The following GRIK4 variants were observed in gnomAD, a reference collection of about 807,000 sequenced individuals.
GRIK4 encodes glutamate receptor ionotropic, kainate 4.
Under a neutral mutation model 104.9 loss-of-function variants are expected in GRIK4, and 40 were observed. The ratio of observed to expected loss-of-function variants is 0.38; its 90% CI spans 0.30 to 0.50. The LOEUF is 0.50. Ranked by LOEUF, GRIK4 falls within the 20% of genes least tolerant of loss-of-function variation. The pLI, the probability that GRIK4 is intolerant of heterozygous loss-of-function variation, is 0.93. For synonymous variants in GRIK4, 485 were observed against 524.9 expected (o/e 0.92, Z 1.04); for missense variants, 1,047 against 1,308.1 (o/e 0.80, Z 3.08).
Position 120,901,981 on chromosome 11 carries a change from G to A in GRIK4, c.1273-3309G>A, listed in dbSNP as rs189318847. Among the ~76,000 whole-genome samples the A allele has an allele frequency of 4.5e-3, 682 of 152,276 alleles. 8 individuals are homozygous for A. The highest frequency in any genetic ancestry group is 4.0e-3 in the Non-Finnish European group (274 of 68,024). ...CTATTAGCCTTGGTTCTTTTCTTGC[G>A]CGTGTGTGCCTACAGTGGCTGATCC... On this transcript the variant is annotated intron_variant, in intron 12 of 20. Transcript: ENST00000527524.
intron 11 of GRIK4, among the ~76,000 whole-genome samples, chr11:120,876,290 TCAC>T (rs1181981982): frequency 8.2e-5 from 7 of 84,896 alleles, no homozygotes; most frequent in South Asian, 4.1e-4. Flanking sequence ...ACCACCATCA[TCAC>T]CACCACCACA....
chr11:120,806,679 C>T (rs942060420), intron 4 of GRIK4, among the ~76,000 whole-genome samples: 1 of 152,228 alleles, frequency 6.6e-6, no homozygotes, highest in Non-Finnish European at 1.5e-5. Flanking sequence ...ACAGGGATTT[C>T]AGAAAGCTCT....
At chr11:120,879,481 C>G (rs1433499044) in intron 11 of GRIK4, among the ~76,000 whole-genome samples, 3 of 152,232 alleles carry the variant, frequency 2.0e-5, no homozygotes, top group African/African-American at 7.2e-5. Context: ...AACCAAATAC[C>G]ACATTCTCTG....
At chr11:120,801,322 T>A (rs1323385469) in intron 3 of GRIK4, among the ~76,000 whole-genome samples, 2 of 152,094 alleles carry the variant, frequency 1.3e-5, no homozygotes, top group African/African-American at 4.8e-5. Context: ...ACTTCCCGGG[T>A]TCAAGTGATT....
At chr11:120,856,908 G>T (rs1254496675) in intron 8 of GRIK4, among the ~76,000 whole-genome samples, 1 of 152,152 alleles carries the variant, frequency 6.6e-6, no homozygotes, top group African/African-American at 2.4e-5. Flanking sequence ...TGCCTGCTTA[G>T]CCCAGCTGAA....
Position 120,956,885 on chromosome 11 carries a change from G to T in GRIK4, c.1806G>T (p.Gly602=). ...GCAACAGCCTCTGGTTTCCGGTCGG[G>T]GGGTTCATGCAGCAAGGCTCCACCA... ...SLGNSLWFPV[G]GFMQQGSTIA... Residue 602 remains glycine (G), a synonymous_variant, in exon 16 of 21, where the codon GGG becomes GGT. Coordinates refer to ENST00000527524, the MANE Select transcript of GRIK4 (RefSeq NM_014619.5). This position sits in a 1 kb window ranked among gnomAD's most constrained non-coding sequence, Gnocchi z 4.6. 6.2e-7 allele frequency: 1 copy of T among 1,614,038 alleles called. No individual in the cohort carries two copies. The highest frequency in any genetic ancestry group is 8.5e-7 in the Non-Finnish European group (1 of 1,179,980).
At chr11:120,691,133 T>C (rs1950353878) in intron 3 of GRIK4, among the ~76,000 whole-genome samples, 1 of 152,218 alleles carries the variant, frequency 6.6e-6, no homozygotes, top group South Asian at 2.1e-4. Context: ...CTGCTTTCTC[T>C]CTGATGACGC....
chr11:120,962,343 G>A (rs779792911), intron 17 of GRIK4, 113 bp from the exon 18 acceptor site: 17 of 657,688 alleles, frequency 2.6e-5, no homozygotes, highest in South Asian at 3.7e-5. Flanking sequence ...TGTGATCAGC[G>A]GGTGGAGAAG....
At chr11:120,751,288 G>A (rs148414083) in intron 3 of GRIK4, among the ~76,000 whole-genome samples, 69 of 152,234 alleles carry the variant, frequency 4.5e-4, no homozygotes, top group African/African-American at 1.6e-3. Context: ...GGCAGAGGAA[G>A]AGGCAGGAGG....
chr11:120,803,012 G>A (rs117312145), intron 4 of GRIK4, among the ~76,000 whole-genome samples, 155 bp downstream of exon 4: 266 of 152,354 alleles, frequency 1.7e-3, no homozygotes, highest in Non-Finnish European at 3.0e-3. Flanking sequence ...GTCCTGTGAA[G>A]CTCTCAGCCT....
At chr11:120,732,596 T>C (rs1229830726) in intron 3 of GRIK4, among the ~76,000 whole-genome samples, 2 of 152,248 alleles carry the variant, frequency 1.3e-5, no homozygotes, top group Non-Finnish European at 2.9e-5. Flanking sequence ...AAATAAATTT[T>C]TTCATCATTC....
intron 3 of GRIK4, among the ~76,000 whole-genome samples, chr11:120,699,973 G>A (rs1210299407): frequency 2.0e-5 from 3 of 152,164 alleles, no homozygotes; most frequent in Non-Finnish European, 2.9e-5. Flanking sequence ...TAGAACGTTT[G>A]AGCAAAGTAA....
chr11:120,649,077 A>C (rs1262525114), intron 1 of GRIK4, among the ~76,000 whole-genome samples: 2 of 152,162 alleles, frequency 1.3e-5, no homozygotes, highest in Non-Finnish European at 2.9e-5. Context: ...TGGGCCCTGC[A>C]TGTGCCCTTA....
At chr11:120,777,253 C>A (rs968166248) in intron 3 of GRIK4, among the ~76,000 whole-genome samples, 1 of 152,220 alleles carries the variant, frequency 6.6e-6, no homozygotes, top group African/African-American at 2.4e-5. Flanking sequence ...CTCCAGTCAC[C>A]CCCATTCCAG....
chr11:120,928,286 C>G (rs1943399262), intron 13 of GRIK4, among the ~76,000 whole-genome samples: 1 of 151,378 alleles, frequency 6.6e-6, no homozygotes, highest in Non-Finnish European at 1.5e-5. Context: ...TCCCAAAGAC[C>G]CCTCTGGCTG....
chr11:120,660,145 T>C, intron 2 of GRIK4, 124 bp from the exon 3 acceptor site: 1 of 596,658 alleles, frequency 1.7e-6, no homozygotes, highest in Non-Finnish European at 3.0e-6. Flanking sequence ...GAGCCTTCTT[T>C]GAGCCCGGCA....
chr11:120,611,293 T>C (rs933715227), intron 1 of GRIK4, among the ~76,000 whole-genome samples: 1 of 152,188 alleles, frequency 6.6e-6, no homozygotes, highest in Admixed American at 6.5e-5. Context: ...TGTGAGAAAG[T>C]GGTTTCATCT....
At chr11:120,646,783 G>A (rs1380230464) in intron 1 of GRIK4, among the ~76,000 whole-genome samples, 1 of 152,210 alleles carries the variant, frequency 6.6e-6, no homozygotes, top group South Asian at 2.1e-4. Flanking sequence ...GAAGAAGAAT[G>A]CTAGGAACTA....
chr11:120,593,752 A>G (rs1948766020), intron 1 of GRIK4, among the ~76,000 whole-genome samples: 1 of 152,138 alleles, frequency 6.6e-6, no homozygotes, highest in Non-Finnish European at 1.5e-5. Context: ...TCCTCCATAT[A>G]TCCTAAACAT....
Sources: allele counts gnomAD v4.1 joint callset (sites outside exome capture counted in the v4.1 genomes callset), GRCh38; gene constraint gnomAD v4.1.1; non-coding constraint Gnocchi (gnomAD v3.1); transcripts MANE v1.5; gene names NCBI Gene and HGNC (gene_info 2026-07-23, HGNC 2026-07-21).